The following CCDC102B variants were observed in gnomAD, a reference collection of about 807,000 sequenced individuals.
The protein encoded by CCDC102B is coiled-coil domain containing 102B, also known as coiled-coil domain-containing protein 102B.
A neutral mutation model predicts 57.4 loss-of-function variants in CCDC102B; 75 were observed. The observed-to-expected ratio is 1.31, with a 90% CI of 1.08 to 1.58. The LOEUF (loss-of-function observed/expected upper bound fraction) is 1.58, where lower values mean the gene tolerates loss of function less well. Among genes scored for constraint, CCDC102B ranks in the 40% most tolerant of loss-of-function variants. The pLI is 0.00. For synonymous variants in CCDC102B, 206 were observed against 201.9 expected (o/e 1.02, Z -0.17); for missense variants, 636 against 582.6 (o/e 1.09, Z -0.94).
chr18:68,756,818 C>G (rs2034066554), intron 2 of CCDC102B, among the ~76,000 whole-genome samples: 1 of 152,030 alleles, frequency 6.6e-6, no homozygotes, highest in African/African-American at 2.4e-5. Context: ...TATGTGCCAC[C>G]ACAGGCATGA....
intron 2 of CCDC102B, among the ~76,000 whole-genome samples, chr18:68,742,720 C>A (rs376083697): frequency 1.3e-5 from 2 of 152,130 alleles, no homozygotes; most frequent in African/African-American, 4.8e-5. Flanking sequence ...ATGATTTTTG[C>A]CATTACTAAC....
intron 5 of CCDC102B, among the ~76,000 whole-genome samples, chr18:68,880,765 T>C (rs964726467): frequency 6.6e-6 from 1 of 152,130 alleles, no homozygotes; most frequent in Non-Finnish European, 1.5e-5. Context: ...ATAGCTTCCA[T>C]AAATTTATGA....
chr18:68,957,823 C>T (rs1404481045), intron 6 of CCDC102B, among the ~76,000 whole-genome samples: 1 of 152,070 alleles, frequency 6.6e-6, no homozygotes, highest in Non-Finnish European at 1.5e-5. Flanking sequence ...AAAGATCTTT[C>T]ACTTCTTTGG....
At chr18:68,974,243 T>G (rs1022437225) in intron 6 of CCDC102B, among the ~76,000 whole-genome samples, 1 of 152,036 alleles carries the variant, frequency 6.6e-6, no homozygotes, top group African/African-American at 2.4e-5. Context: ...TTTCTGCAAG[T>G]GGACTTTCTC....
intron 2 of CCDC102B, among the ~76,000 whole-genome samples, chr18:68,765,338 AAAG>A (rs2034414355): frequency 7.9e-6 from 1 of 126,564 alleles, no homozygotes; most frequent in African/African-American, 3.1e-5. Context: ...AGAAAGAAAG[AAAG>A]AAAGAAAGAA....
chr18:68,994,875 G>C (rs1248343732), intron 6 of CCDC102B, among the ~76,000 whole-genome samples: 1 of 152,206 alleles, frequency 6.6e-6, no homozygotes, highest in African/African-American at 2.4e-5. Flanking sequence ...AAAGATACCT[G>C]AAAATGTGGA....
intron 2 of CCDC102B, among the ~76,000 whole-genome samples, chr18:68,763,799 A>C (rs2034335311): frequency 6.6e-6 from 1 of 151,538 alleles, no homozygotes; most frequent in Non-Finnish European, 1.5e-5. Flanking sequence ...AGAACCTAGC[A>C]TTTTTTTCCC....
intron 6 of CCDC102B, among the ~76,000 whole-genome samples, chr18:68,943,772 A>C (rs1021398456): frequency 3.3e-5 from 5 of 152,160 alleles, no homozygotes; most frequent in African/African-American, 1.2e-4. Context: ...CAATGCTCAA[A>C]ATTCTCTAGG....
chr18:68,815,534 A>G (rs1225063162), intron 1 of CCDC102B, among the ~76,000 whole-genome samples: 1 of 152,168 alleles, frequency 6.6e-6, no homozygotes, highest in Admixed American at 6.5e-5. Context: ...CATGTATTAA[A>G]ATTATTATTC....
intron 2 of CCDC102B, among the ~76,000 whole-genome samples, chr18:68,781,433 C>T (rs1307130782): frequency 6.6e-6 from 1 of 151,900 alleles, no homozygotes; most frequent in Non-Finnish European, 1.5e-5. Context: ...CAAAGTGCTC[C>T]TTAGAGTCTG....
chr18:68,876,432 A>T (rs2144938056), intron 5 of CCDC102B, among the ~76,000 whole-genome samples: 1 of 152,296 alleles, frequency 6.6e-6, no homozygotes, highest in South Asian at 2.1e-4. Context: ...GATGAAATAC[A>T]AGATATTTTA....
intron 6 of CCDC102B, among the ~76,000 whole-genome samples, chr18:69,000,974 T>C (rs2051185402): frequency 6.6e-6 from 1 of 152,178 alleles, no homozygotes; most frequent in Non-Finnish European, 1.5e-5. Flanking sequence ...TATTAGCTAA[T>C]CCTTTCCACT....
intron 2 of CCDC102B, among the ~76,000 whole-genome samples, chr18:68,771,518 A>C (rs1423031581): frequency 6.6e-6 from 1 of 152,140 alleles, no homozygotes; most frequent in Non-Finnish European, 1.5e-5. Context: ...TAACTACTTA[A>C]CTGCCTCACC....
In CCDC102B at chr18:68,836,836, TCA is replaced by T. The variant is rs2037395536; in HGVS notation, c.75_76del (p.Gly27ArgfsTer14). 1 of 1,613,950 alleles carries T rather than the reference TCA, an allele frequency of 6.2e-7. No individual in the cohort carries two copies. On this transcript the variant is annotated frameshift_variant, in exon 2 of 8. Coordinates refer to ENST00000360242, the MANE Select transcript of CCDC102B (RefSeq NM_024781.3). LOFTEE classifies it high-confidence loss of function. ...IFQMQQSSIKSRGDMVAPASP... is the reference protein window; with the variant it reads ...IFQMQQSSIKXRGDMVAPASP... ...CCAGATGCAACAATCATCAATTAAG[TCA>T]CGCGGCGACATGGTGGCACCTGCCT... is the stretch of plus-strand genomic sequence containing the variant.
At chr18:68,973,468 T>C (rs1423126154) in intron 6 of CCDC102B, among the ~76,000 whole-genome samples, 1 of 152,156 alleles carries the variant, frequency 6.6e-6, no homozygotes, top group Non-Finnish European at 1.5e-5. Context: ...ACAGTGTCTC[T>C]GGTTTAAACT....
chr18:68,880,766 A>G (rs556915569), intron 5 of CCDC102B, among the ~76,000 whole-genome samples: 1 of 152,238 alleles, frequency 6.6e-6, no homozygotes, highest in East Asian at 1.9e-4. Context: ...TAGCTTCCAT[A>G]AATTTATGAT....
At chr18:69,011,142 TA>T in intron 7 of CCDC102B, 38 bp downstream of exon 7, 1 of 1,559,276 alleles carries the variant, frequency 6.4e-7, no homozygotes, top group Non-Finnish European at 8.7e-7. Context: ...GGACAGCTTC[TA>T]AATAGTATTT....
intron 2 of CCDC102B, among the ~76,000 whole-genome samples, chr18:68,792,107 A>T (rs1568252826): frequency 6.6e-6 from 1 of 152,196 alleles, no homozygotes; most frequent in Non-Finnish European, 1.5e-5. Flanking sequence ...TTATTAACCA[A>T]GGAAAGAACA....
intron 4 of CCDC102B, chr18:68,859,178 C>T (rs1483842823): frequency 1.4e-5 from 2 of 141,228 alleles, no homozygotes; most frequent in Non-Finnish European, 3.1e-5. Flanking sequence ...TTTGACAAAC[C>T]TGAGAAAAAC....
Sources: allele counts gnomAD v4.1 joint callset (sites outside exome capture counted in the v4.1 genomes callset), GRCh38; gene constraint gnomAD v4.1.1; transcripts MANE v1.5; gene names NCBI Gene and HGNC (gene_info 2026-07-23, HGNC 2026-07-21).